Variants in GORASP2 observed in about 807,000 individuals in gnomAD.
GORASP2 encodes the protein golgi reassembly stacking protein 2, also known as Golgi reassembly-stacking protein 2.
In GORASP2, 22 loss-of-function variants were observed where a neutral mutation model predicts 45.7. The observed-to-expected ratio is 0.48, with a 90% CI of 0.34 to 0.69. GORASP2 has a LOEUF of 0.69. Among genes scored for constraint, GORASP2 ranks in the 30% least tolerant of loss-of-function variants. The pLI is 0.01. For missense variants in GORASP2, 491 were observed against 562.7 expected (o/e 0.87, Z 1.29); for synonymous variants, 221 against 215.6 (o/e 1.02, Z -0.22).
Position 170,950,208 on chromosome 2 carries a change from TG to T in GORASP2, c.355del (p.Glu119AsnfsTer18). On this transcript the variant is annotated frameshift_variant, in exon 4 of 10. Transcript: ENST00000234160. LOFTEE classifies it high-confidence loss of function. ...TGTGTGTTTATGTCATTCTAGGAGG[TG>T]GAATCAAATTCTCCTGCAGCACTGG... Reference protein sequence around the residue: ...ANENVWHVLEVESNSPAALAG... With the variant: ...ANENVWHVLEXESNSPAALAG... The T allele has an allele frequency of 6.6e-7, 1 of 1,509,280 alleles. No homozygotes were observed. Among genetic ancestry groups the T allele is most frequent in the Non-Finnish European group, 9.1e-7 (1 of 1,093,950 alleles). 93.5% of individuals were successfully genotyped at this position (1,509,280 alleles called of 1,614,324 possible).
At chr2:170,962,738 C>T (rs1348586263) in intron 8 of GORASP2, 101 bp from the exon 9 acceptor site, 2 of 748,362 alleles carry the variant, frequency 2.7e-6, no homozygotes, top group East Asian at 5.4e-5. Context: ...ACTTCTGGTA[C>T]TGTCACTTAG....
At position 170,929,297 on chromosome 2, in the gene GORASP2, G is replaced by C; in HGVS notation, c.-44G>C. On this transcript the variant is annotated 5_prime_UTR_variant, in exon 1 of 10. Coordinates refer to ENST00000234160, the MANE Select transcript of GORASP2 (RefSeq NM_015530.5). ...AGAGCAGGCGGTGCGCTGGGGGCGG[G>C]AGCAGCGCGGAGCCCGGCTCGGCCA... is the stretch of plus-strand genomic sequence containing the variant. The C allele has an allele frequency of 7.6e-7, 1 of 1,321,768 alleles. No individual in the cohort carries two copies. The highest frequency in any genetic ancestry group is 9.7e-7 in the Non-Finnish European group (1 of 1,032,362). 81.9% of individuals were successfully genotyped at this position (1,321,768 alleles called of 1,614,324 possible).
At chr2:170,934,507 GCCTCCA>G (rs1463633925) in intron 1 of GORASP2, among the ~76,000 whole-genome samples, 1 of 151,838 alleles carries the variant, frequency 6.6e-6, no homozygotes, top group East Asian at 1.9e-4. Flanking sequence ...TGATCCACCC[GCCTCCA>G]CCTCCGACAA....
chr2:170,960,002 G>T (rs923657182), intron 7 of GORASP2, among the ~76,000 whole-genome samples: 1 of 151,774 alleles, frequency 6.6e-6, no homozygotes, highest in Non-Finnish European at 1.5e-5. Context: ...TGTATTTTTA[G>T]TAGAGACAGG....
At chr2:170,943,253 GT>G (rs1168902135) in intron 1 of GORASP2, among the ~76,000 whole-genome samples, 1 of 152,124 alleles carries the variant, frequency 6.6e-6, no homozygotes, top group African/African-American at 2.4e-5. Flanking sequence ...TGAAAAAATG[GT>G]TTGTCTCTCT....
chr2:170,957,159 T>C (rs1704445502), intron 7 of GORASP2, among the ~76,000 whole-genome samples: 1 of 152,232 alleles, frequency 6.6e-6, no homozygotes. Context: ...TTAACTGCTC[T>C]GGTTACTCAA....
intron 1 of GORASP2, among the ~76,000 whole-genome samples, chr2:170,942,874 C>T (rs1284239964): frequency 6.6e-6 from 1 of 152,164 alleles, no homozygotes; most frequent in Non-Finnish European, 1.5e-5. Context: ...ATGCTTGTTA[C>T]TCTCTTTTTA....
chr2:170,939,616 G>C (rs1704028689), intron 1 of GORASP2, among the ~76,000 whole-genome samples: 1 of 152,126 alleles, frequency 6.6e-6, no homozygotes, highest in South Asian at 2.1e-4. Flanking sequence ...ACTATGCCTA[G>C]CATATAAATT....
intron 9 of GORASP2, among the ~76,000 whole-genome samples, chr2:170,965,473 C>T (rs1467641829): frequency 6.6e-6 from 1 of 152,210 alleles, no homozygotes; most frequent in Non-Finnish European, 1.5e-5. Context: ...GTAGCTGTGT[C>T]ACCTGCTGGG....
chr2:170,929,086 C>T (rs929505325), upstream of GORASP2: 2 of 381,582 alleles, frequency 5.2e-6, no homozygotes, highest in Admixed American at 4.6e-5. Context: ...CAGTCCTCCT[C>T]CGGCCCTCCC....
intron 1 of GORASP2, among the ~76,000 whole-genome samples, chr2:170,934,989 C>T (rs558577759): frequency 1.8e-4 from 27 of 152,294 alleles, no homozygotes; most frequent in Admixed American, 4.6e-4. Context: ...CCACAGGCCT[C>T]GGCCTCCCAA....
At chr2:170,953,562 T>A (rs1477326234) in intron 5 of GORASP2, among the ~76,000 whole-genome samples, 1 of 152,150 alleles carries the variant, frequency 6.6e-6, no homozygotes, top group Non-Finnish European at 1.5e-5. Context: ...GGAACCTGAT[T>A]ATGGAGAGCC....
intron 8 of GORASP2, among the ~76,000 whole-genome samples, chr2:170,962,584 G>GT (rs1704588407): frequency 6.6e-6 from 1 of 152,172 alleles, no homozygotes; most frequent in Admixed American, 6.5e-5. Context: ...ATTCCAGAGT[G>GT]TTAAGAGTAT....
At chr2:170,945,414 C>T (rs965182234) in intron 1 of GORASP2, among the ~76,000 whole-genome samples, 3 of 151,026 alleles carry the variant, frequency 2.0e-5, no homozygotes, top group Admixed American at 6.6e-5. Context: ...GTGGTGCACA[C>T]GTGTCCCAGC....
rs1360997566 is a variant in GORASP2, at chr2:170,966,973, CTACTCTCCAGTATGTCTTAT to C, written c.*860_*879del. On this transcript the variant is annotated 3_prime_UTR_variant, in exon 10 of 10. Transcript: ENST00000234160. The stretch of plus-strand genomic sequence containing the variant: ...CCCTTAATTGCCACGTGTGCACTTA[CTACTCTCCAGTATGTCTTAT>C]TACTCTCCAGTATGTCACGCATCTT... 3.9e-5 allele frequency: 6 copies of C among 152,196 alleles called. No homozygotes were observed. Among genetic ancestry groups the C allele is most frequent in the South Asian group, 4.1e-4 (2 of 4,832 alleles). The allele number at this position is 152,196 out of a possible 1,614,324, so 9.4% of individuals were successfully genotyped here. A position where few individuals can be genotyped will look rare whatever the true frequency, so the allele number is the denominator to read the frequency against.
At chr2:170,954,862 G>A in intron 6 of GORASP2, 80 bp downstream of exon 6, 2 of 1,064,680 alleles carry the variant, frequency 1.9e-6, no homozygotes, top group Non-Finnish European at 1.4e-6. Context: ...CTATATGGCA[G>A]TAGCACTATG....
At chr2:170,942,146 T>C (rs2105316095) in intron 1 of GORASP2, among the ~76,000 whole-genome samples, 1 of 152,342 alleles carries the variant, frequency 6.6e-6, no homozygotes, top group South Asian at 2.1e-4. Context: ...GTATCCTGTT[T>C]TGTTTAGTGT....
At chr2:170,929,797 C>T (rs1273627292) in intron 1 of GORASP2, 2 of 478,844 alleles carry the variant, frequency 4.2e-6, no homozygotes, top group African/African-American at 2.0e-5. Flanking sequence ...ACTGTGAAGG[C>T]AGCCTTTGCG....
intron 6 of GORASP2, 60 bp from the exon 7 acceptor site, chr2:170,956,376 T>G (rs1485684034): frequency 1.4e-5 from 20 of 1,466,286 alleles, no homozygotes; most frequent in Non-Finnish European, 1.8e-5. Context: ...GAGCCAATAT[T>G]TATATTTTCT....
Sources: allele counts gnomAD v4.1 joint callset (sites outside exome capture counted in the v4.1 genomes callset), GRCh38; gene constraint gnomAD v4.1.1; transcripts MANE v1.5; gene names NCBI Gene and HGNC (gene_info 2026-07-23, HGNC 2026-07-21).